The following RBFOX1 variants were observed in gnomAD, a reference collection of about 807,000 sequenced individuals.
The protein encoded by RBFOX1 is RNA binding fox-1 homolog 1.
In RBFOX1, 8 loss-of-function variants were observed where a neutral mutation model predicts 57.7. That is an observed-to-expected ratio of 0.14 (90% CI 0.08 to 0.25). The LOEUF is 0.25. Ranked by LOEUF, RBFOX1 falls within the 10% of genes least tolerant of loss-of-function variation. RBFOX1 has a pLI of 1.00. For synonymous variants in RBFOX1, 326 were observed against 222.4 expected (o/e 1.47, Z -4.15); for missense variants, 611 against 548.5 (o/e 1.11, Z -1.14).
At position 5,799,083 on chromosome 16, in the gene RBFOX1, T is replaced by G. The variant is rs1597301915; in HGVS notation, c.319-68220T>G. ...AAAAGAGTTTTCATGGACTCACAGTTGCACATGGCTGGGGAGGCCTCACAA... is the reference window on the plus strand; with the variant it reads ...AAAAGAGTTTTCATGGACTCACAGTGGCACATGGCTGGGGAGGCCTCACAA... On this transcript the variant is annotated intron_variant, in intron 3 of 19. Transcript: ENST00000641259. Among the ~76,000 whole-genome samples, 3 of 152,292 alleles carry G rather than the reference T, an allele frequency of 2.0e-5. No individual in the cohort carries two copies. In the South Asian group the frequency reaches 6.2e-4, roughly 32 times the overall value.
intron 2 of RBFOX1, among the ~76,000 whole-genome samples, chr16:5,583,177 G>A (rs543978393): frequency 3.3e-5 from 5 of 152,220 alleles, no homozygotes; most frequent in East Asian, 1.9e-4. Flanking sequence ...AATGCCATGC[G>A]CAGCAAAAGC....
chr16:6,207,425 C>T (rs895978172), intron 1 of RBFOX1, among the ~76,000 whole-genome samples: 21 of 152,072 alleles, frequency 1.4e-4, no homozygotes, highest in African/African-American at 3.1e-4. Flanking sequence ...AGAGGCAATC[C>T]GTTTGACAGA....
At chr16:5,645,647 T>C (rs1434389258) in intron 3 of RBFOX1, among the ~76,000 whole-genome samples, 1 of 152,214 alleles carries the variant, frequency 6.6e-6, no homozygotes, top group African/African-American at 2.4e-5. Flanking sequence ...ATTCTGTGTG[T>C]GCTTTATTAT....
intron 3 of RBFOX1, among the ~76,000 whole-genome samples, chr16:5,809,731 A>T (rs200267677): frequency 1.1e-4 from 17 of 152,272 alleles, no homozygotes; most frequent in Admixed American, 3.9e-4. Flanking sequence ...TTGGTGGGAC[A>T]GTAAACTAGT....
chr16:6,113,944 G>A (rs1479336403), intron 1 of RBFOX1, among the ~76,000 whole-genome samples: 1 of 152,154 alleles, frequency 6.6e-6, no homozygotes, highest in Non-Finnish European at 1.5e-5. Flanking sequence ...CTCTAGGGCT[G>A]GTATCCAGCT....
At chr16:5,617,335 C>A (rs1214356499) in intron 3 of RBFOX1, among the ~76,000 whole-genome samples, 2 of 152,194 alleles carry the variant, frequency 1.3e-5, no homozygotes, top group Non-Finnish European at 2.9e-5. Context: ...ATTCCTGCTA[C>A]CCATGGTCCT....
chr16:5,327,688 T>C (rs563482850), intron 1 of RBFOX1, among the ~76,000 whole-genome samples: 172 of 152,166 alleles, frequency 1.1e-3, no homozygotes, highest in East Asian at 7.7e-4. Context: ...TGTAGCAGCA[T>C]CCCCCTCCCC....
chr16:5,851,201 G>C (rs2056889655), intron 3 of RBFOX1, among the ~76,000 whole-genome samples: 1 of 152,164 alleles, frequency 6.6e-6, no homozygotes, highest in Non-Finnish European at 1.5e-5. Flanking sequence ...TATTATCATG[G>C]TTGTACCTTG....
intron 3 of RBFOX1, among the ~76,000 whole-genome samples, chr16:6,893,893 G>T (rs748029503): frequency 6.6e-6 from 1 of 152,158 alleles, no homozygotes; most frequent in Admixed American, 6.5e-5. Context: ...GATAGGGTCA[G>T]CTGTCACACA....
intron 2 of RBFOX1, among the ~76,000 whole-genome samples, chr16:6,461,406 G>A (rs78018441): frequency 0.04 from 6,056 of 152,224 alleles, 176 homozygotes; most frequent in Middle Eastern, 0.085. Context: ...AGACTTCAAC[G>A]TATGAATTTT....
In RBFOX1 at chr16:6,974,213, C is replaced by A. The variant is rs55799402; in HGVS notation, c.-15-77844C>A. On this transcript the variant is annotated intron_variant, in intron 3 of 15. Coordinates refer to ENST00000550418, the MANE Select transcript of RBFOX1 (RefSeq NM_018723.4). ...CATTTGTTTTGATTCCATGTCTTTG[C>A]TTAATGGGGGATAGTTGTAACCCCT... Among the ~76,000 whole-genome samples the A allele has an allele frequency of 5.8e-3, 879 of 151,622 alleles. 3 individuals are homozygous for A. Among genetic ancestry groups the A allele is most frequent in the African/African-American group, 0.02 (816 of 41,326 alleles).
chr16:5,360,977 G>C (rs1567386520), intron 1 of RBFOX1, among the ~76,000 whole-genome samples: 2 of 152,242 alleles, frequency 1.3e-5, no homozygotes, highest in African/African-American at 4.8e-5. Context: ...AACCCTGATT[G>C]ATAACCATAC....
intron 1 of RBFOX1, among the ~76,000 whole-genome samples, chr16:6,162,424 G>A (rs2096886534): frequency 1.3e-5 from 2 of 152,092 alleles, no homozygotes; most frequent in Non-Finnish European, 2.9e-5. Context: ...CCAGATTTCT[G>A]TATTTTAACA....
intron 2 of RBFOX1, among the ~76,000 whole-genome samples, chr16:6,641,708 C>G (rs553918807): frequency 2.5e-5 from 3 of 118,942 alleles, no homozygotes; most frequent in Non-Finnish European, 5.2e-5. Flanking sequence ...GCAATTCAGC[C>G]TGGGTGACAG....
chr16:5,486,716 TGGA>T (rs1410424614), intron 2 of RBFOX1, among the ~76,000 whole-genome samples: 4 of 152,158 alleles, frequency 2.6e-5, no homozygotes, highest in Non-Finnish European at 4.4e-5. Context: ...CCCTGGGAGA[TGGA>T]GAAGACACTC....
At chr16:6,579,307 A>G (rs1318801846) in intron 2 of RBFOX1, among the ~76,000 whole-genome samples, 1 of 151,996 alleles carries the variant, frequency 6.6e-6, no homozygotes, top group Non-Finnish European at 1.5e-5. Flanking sequence ...GGGCTCAAGC[A>G]GTCCTCCCAC....
chr16:6,799,291 G>A (rs2154255221), intron 3 of RBFOX1, among the ~76,000 whole-genome samples: 1 of 152,188 alleles, frequency 6.6e-6, no homozygotes, highest in Non-Finnish European at 1.5e-5. Context: ...CTGGATTGTT[G>A]GCTAGCTGTA....
At chr16:7,415,858 G>T (rs935339859) in intron 4 of RBFOX1, among the ~76,000 whole-genome samples, 3 of 152,154 alleles carry the variant, frequency 2.0e-5, no homozygotes, top group Non-Finnish European at 4.4e-5. Flanking sequence ...CTCCCGGGAA[G>T]ATGGAACTGT....
intron 3 of RBFOX1, among the ~76,000 whole-genome samples, chr16:6,881,247 C>G (rs1230827370): frequency 1.3e-5 from 2 of 152,132 alleles, no homozygotes; most frequent in East Asian, 1.9e-4. Flanking sequence ...ATAAGGTTCC[C>G]AAGATTGGAC....
Sources: allele counts gnomAD v4.1 joint callset (sites outside exome capture counted in the v4.1 genomes callset), GRCh38; gene constraint gnomAD v4.1.1; transcripts MANE v1.5; gene names NCBI Gene and HGNC (gene_info 2026-07-23, HGNC 2026-07-21).